Variants in TMCO4 observed in about 807,000 individuals in gnomAD.
TMCO4 encodes transmembrane and coiled-coil domains 4, also known as transmembrane and coiled-coil domain-containing protein 4.
TMCO4 carries 58 observed loss-of-function variants against 64.7 expected under a neutral mutation model. That is an observed-to-expected ratio of 0.90 (90% confidence interval 0.73 to 1.12). The LOEUF is 1.12. Ranked by LOEUF, TMCO4 falls within the 50% of genes most tolerant of loss-of-function variation. TMCO4 has a pLI of 0.00. For synonymous variants in TMCO4, 325 were observed against 346.1 expected (o/e 0.94, Z 0.68); for missense variants, 780 against 825.9 (o/e 0.94, Z 0.68).
intron 4 of TMCO4, among the ~76,000 whole-genome samples, chr1:19,777,356 T>C (rs566161736): frequency 6.6e-6 from 1 of 151,398 alleles, no homozygotes; most frequent in South Asian, 2.1e-4. Flanking sequence ...CCTTTTTTTT[T>C]TTTTTTTTTG....
chr1:19,777,026 C>CAAGA (rs2043237832), intron 4 of TMCO4, among the ~76,000 whole-genome samples: 1 of 82,782 alleles, frequency 1.2e-5, no homozygotes, highest in Non-Finnish European at 2.3e-5. Flanking sequence ...GACACTGTCT[C>CAAGA]AAAAAAAAAA....
At chr1:19,756,989 A>G (rs1237564932) in intron 6 of TMCO4, among the ~76,000 whole-genome samples, 1 of 152,124 alleles carries the variant, frequency 6.6e-6, no homozygotes, top group Non-Finnish European at 1.5e-5. Flanking sequence ...AAAACAAAAA[A>G]CAAATACCAC....
At chr1:19,727,756 T>C (rs954690448) in intron 13 of TMCO4, among the ~76,000 whole-genome samples, 2 of 152,250 alleles carry the variant, frequency 1.3e-5, no homozygotes, top group African/African-American at 4.8e-5. Flanking sequence ...CATACATCTG[T>C]ATGTTCACTG....
At chr1:19,778,352 C>T (rs1384735805) in intron 4 of TMCO4, among the ~76,000 whole-genome samples, 2 of 152,046 alleles carry the variant, frequency 1.3e-5, no homozygotes, top group East Asian at 1.9e-4. Flanking sequence ...TGGCTCATTG[C>T]AACCTCTGCC....
chr1:19,763,743 G>A (rs1398726245), intron 6 of TMCO4, among the ~76,000 whole-genome samples: 2 of 152,094 alleles, frequency 1.3e-5, no homozygotes, highest in African/African-American at 2.4e-5. Context: ...TATTTATTAC[G>A]TAGCCCCATT....
At chr1:19,689,259 C>G (rs114364659) in intron 15 of TMCO4, among the ~76,000 whole-genome samples, 1,561 of 152,234 alleles carry the variant, frequency 0.01, 16 homozygotes, top group South Asian at 0.029. Flanking sequence ...CTCTAATTAC[C>G]CAGAAGAGGA....
rs942319045 is a variant in TMCO4, at chr1:19,715,613, G to C, written c.1265-14728C>G. Among the ~76,000 whole-genome samples the C allele has an allele frequency of 5.3e-5, 8 of 152,216 alleles. 1 individual carries two copies. The highest frequency in any genetic ancestry group is 1.9e-4 in the African/African-American group (8 of 41,440). ...CATGAAAATTTCTCAGGATATAGGA[G>C]CAGCTGCCAAGTTCTGCACGAGCCC... is the stretch of plus-strand genomic sequence containing the variant. On this transcript the variant is annotated intron_variant, in intron 13 of 15. Transcript: ENST00000294543.
chr1:19,688,436 G>C (rs2095166880), intron 15 of TMCO4, among the ~76,000 whole-genome samples: 1 of 152,176 alleles, frequency 6.6e-6, no homozygotes, highest in Non-Finnish European at 1.5e-5. Context: ...CTGCCCCAGT[G>C]ACTCCTTCCA....
chr1:19,723,415 G>A (rs2095394760), intron 13 of TMCO4, among the ~76,000 whole-genome samples: 1 of 152,208 alleles, frequency 6.6e-6, no homozygotes, highest in Admixed American at 6.5e-5. Flanking sequence ...CAGGGCTGGA[G>A]CTTTTGGGTG....
chr1:19,737,459 G>A lies in TMCO4; in HGVS notation c.1180-3C>T. 1.9e-6 allele frequency: 3 copies of A among 1,613,840 alleles called. No individual in the cohort carries two copies. Among genetic ancestry groups the A allele is most frequent in the Non-Finnish European group, 1.7e-6 (2 of 1,179,858 alleles). The stretch of plus-strand genomic sequence containing the variant: ...ATCAAGGTGACAGGTCGTCGCCCCT[G>A]AAGGGAAAAAGGACACAGGTGTCTG... On this transcript the variant is annotated splice_polypyrimidine_tract_variant and splice_region_variant and intron_variant, in intron 12 of 15. Coordinates refer to ENST00000294543, the MANE Select transcript of TMCO4 (RefSeq NM_181719.7).
chr1:19,791,974 G>A (rs969514428), intron 2 of TMCO4, among the ~76,000 whole-genome samples: 3 of 152,238 alleles, frequency 2.0e-5, no homozygotes, highest in South Asian at 2.1e-4. Context: ...TGCTATTCTC[G>A]TGAGAGTGAA....
chr1:19,785,788 G>T (rs1213399128), intron 3 of TMCO4, among the ~76,000 whole-genome samples: 2 of 152,198 alleles, frequency 1.3e-5, no homozygotes, highest in African/African-American at 2.4e-5. Context: ...TTCAGGAAGT[G>T]GTCAGGGGGA....
chr1:19,750,410 GC>G (rs1330532437), intron 7 of TMCO4: 2 of 152,228 alleles, frequency 1.3e-5, no homozygotes, highest in African/African-American at 2.4e-5. Context: ...GCTCAGCTCT[GC>G]CATGAACTTG....
chr1:19,728,100 T>C (rs1346206985), intron 13 of TMCO4, among the ~76,000 whole-genome samples: 2 of 152,172 alleles, frequency 1.3e-5, no homozygotes, highest in Non-Finnish European at 2.9e-5. Context: ...CAGTAACTAT[T>C]GTACTAGGCT....
chr1:19,688,769 GACTT>G (rs1237689304), intron 15 of TMCO4, among the ~76,000 whole-genome samples: 1 of 152,180 alleles, frequency 6.6e-6, no homozygotes, highest in Non-Finnish European at 1.5e-5. Context: ...AGGATCAAAT[GACTT>G]ACCCCGTAAA....
intron 2 of TMCO4, among the ~76,000 whole-genome samples, chr1:19,792,723 C>G (rs963650701): frequency 1.4e-5 from 2 of 146,196 alleles, no homozygotes; most frequent in African/African-American, 5.0e-5. Context: ...CAGCTATGGC[C>G]TTTCTTTTCC....
In TMCO4 at chr1:19,752,033, G is replaced by A. The variant is rs146518976; in HGVS notation, c.515+3601C>T. On this transcript the variant is annotated intron_variant, in intron 7 of 15. Coordinates refer to ENST00000294543, the MANE Select transcript of TMCO4 (RefSeq NM_181719.7). The stretch of plus-strand genomic sequence containing the variant: ...ACTGCACTCCAGCCTGGGTGACACA[G>A]TAAGACTTTGTCTCAAAAAAAAAAA... Among the ~76,000 whole-genome samples, 388 of 151,476 alleles carry A rather than the reference G, an allele frequency of 2.6e-3. 2 individuals carry two copies. The highest frequency in any genetic ancestry group is 8.9e-3 in the African/African-American group (366 of 41,290).
rs1294708437 is a variant in TMCO4 at position 19,682,764 on chromosome 1, A to C, written c.*276T>G. 1.4e-6 allele frequency: 1 copy of C among 719,228 alleles called. No individual in the cohort carries two copies. Among genetic ancestry groups the C allele is most frequent in the Non-Finnish European group, 2.6e-6 (1 of 386,830 alleles). 44.6% of individuals were successfully genotyped at this position (719,228 alleles called of 1,614,324 possible). On this transcript the variant is annotated 3_prime_UTR_variant, in exon 16 of 16. Transcript: ENST00000294543. ...AGTTGGTTTCCGGTCCTGGGACTCT[A>C]ACCTGTGCTTGGTTGACTCTGCAGG...
At chr1:19,747,667 C>T (rs188246457) in intron 7 of TMCO4, among the ~76,000 whole-genome samples, 303 of 152,290 alleles carry the variant, frequency 2.0e-3, no homozygotes, top group Non-Finnish European at 3.0e-3. Flanking sequence ...TCCCACCTCC[C>T]TCTGGGATAT....
Sources: gnomAD v4.1 joint callset for allele counts (sites outside exome capture counted in the v4.1 genomes callset) on GRCh38, gnomAD v4.1.1 for gene constraint, MANE v1.5 for transcripts, NCBI Gene and HGNC (gene_info 2026-07-23, HGNC 2026-07-21) for gene names.